The following TSC2 variants were observed in gnomAD, a reference collection of about 807,000 sequenced individuals.
TSC2 encodes the protein tuberin.
In TSC2, 29 loss-of-function variants were observed where a neutral mutation model predicts 202.2. The ratio of observed to expected loss-of-function variants is 0.14; its 90% CI spans 0.11 to 0.20. The LOEUF (loss-of-function observed/expected upper bound fraction) is 0.20, where lower values mean the gene tolerates loss of function less well. TSC2 is among the 10% of genes least tolerant of loss of function. The pLI is 1.00. For synonymous variants in TSC2, 1,349 were observed against 1,044.0 expected, an observed-to-expected ratio of 1.29 and a Z score of -5.63; for missense variants, 2,429 against 2,420.0, an observed-to-expected ratio of 1.00 and a Z score of -0.08.
intron 3 of TSC2, among the ~76,000 whole-genome samples, chr16:2,052,382 T>C (rs1415570799): frequency 2.6e-5 from 4 of 151,902 alleles, no homozygotes; most frequent in African/African-American, 9.7e-5. Context: ...CAATCATGGC[T>C]CACTACAGCC....
At chr16:2,080,655 T>C in intron 30 of TSC2, 1 of 444,848 alleles carries the variant, frequency 2.2e-6, no homozygotes, top group South Asian at 2.2e-5. Flanking sequence ...GGCCAATTTT[T>C]TTGTATTTCT....
At chr16:2,067,492 C>T (rs138706986) in intron 16 of TSC2, among the ~76,000 whole-genome samples, 1,805 of 150,460 alleles carry the variant, frequency 0.012, 16 homozygotes, top group Non-Finnish European at 0.019. Flanking sequence ...AGGCATCAGC[C>T]GGGTGTGGTG....
rs2151615600 is a variant in TSC2 at position 2,087,957 on chromosome 16, G to T, written c.5068+16G>T. On this transcript the variant is annotated intron_variant, in intron 39 of 41. Coordinates refer to ENST00000219476, the MANE Select transcript of TSC2 (RefSeq NM_000548.5). ...TGCAGGAAAGGTAGGGCCGGGTGGGGCCCTGCAGTGCAGGAAAGGTAGGGC... is the reference window on the plus strand; with the variant it reads ...TGCAGGAAAGGTAGGGCCGGGTGGGTCCCTGCAGTGCAGGAAAGGTAGGGC... The T allele has an allele frequency of 6.2e-7, 1 of 1,604,334 alleles. No individual in the cohort carries two copies. Among genetic ancestry groups the T allele is most frequent in the Non-Finnish European group, 8.5e-7 (1 of 1,173,806 alleles).
intron 2 of TSC2, among the ~76,000 whole-genome samples, chr16:2,049,732 G>A (rs965718013): frequency 4.0e-5 from 6 of 151,516 alleles, no homozygotes; most frequent in East Asian, 2.0e-4. Context: ...GGGCTGAGAC[G>A]AGAATTGCTT....
intron 13 of TSC2, 65 bp from the exon 14 acceptor site, chr16:2,062,907 G>T: frequency 6.6e-7 from 1 of 1,524,540 alleles, no homozygotes; most frequent in Non-Finnish European, 8.8e-7. Flanking sequence ...GCGCCAGGCA[G>T]ACGGGCTGGT....
In TSC2 at chr16:2,085,230, T is replaced by G; in HGVS notation, c.4570T>G (p.Ser1524Ala). 6.2e-7 allele frequency: 1 copy of G among 1,612,682 alleles called. No homozygotes were observed. The highest frequency in any genetic ancestry group is 8.5e-7 in the Non-Finnish European group (1 of 1,179,900). Reference protein sequence around the residue: ...SNKPILLPNESQSFERSVQLL... With the variant: ...SNKPILLPNEAQSFERSVQLL... ...TCAGGCAGGGCTCTGTGTGCCACAG[T>G]CACAGTCCTTTGAGCGGTCGGTGCA... The change falls in exon 36 of 42, where the codon TCA (serine) becomes GCA (alanine). Residue 1524 changes from serine to alanine, a missense_variant and splice_region_variant. By Grantham distance (99) the Ser-to-Ala change is moderately conservative. Transcript: ENST00000219476.
Position 2,061,889 on chromosome 16 carries a change from C to G in TSC2, c.1138C>G (p.Leu380Val). ...QQLQTLDSPE[L>V]RTIVHDLLTT... is the part of the protein sequence containing the mutation. ...ACTGCAGACCTTGGACAGCCCGGAG[C>G]TCAGGACCATCGTCCATGACCTGTT... The change falls in exon 12 of 42, where the codon CTC becomes GTC. Residue 380 changes from leucine to valine, a missense_variant. By Grantham distance (32) the Leu-to-Val change is conservative. Transcript: ENST00000219476. The G allele has an allele frequency of 6.2e-7, 1 of 1,614,160 alleles. No individual in the cohort carries two copies. The highest frequency in any genetic ancestry group is 2.2e-5 in the East Asian group (1 of 44,878).
At chr16:2,061,814 T>G in intron 11 of TSC2, 57 bp from the exon 12 acceptor site, 1 of 1,613,258 alleles carries the variant, frequency 6.2e-7, no homozygotes, top group South Asian at 1.1e-5. Context: ...AGGCCTCTGG[T>G]GCCAAGTCCA....
intron 11 of TSC2, chr16:2,061,080 G>A (rs1567425147): frequency 2.0e-6 from 1 of 507,830 alleles, no homozygotes; most frequent in Non-Finnish European, 3.6e-6. Context: ...AGTCCGCAGA[G>A]TGACCTGCAG....
At position 2,070,534 on chromosome 16, in the gene TSC2, A is replaced by G. The variant is rs2088139595; in HGVS notation, c.1795A>G (p.Lys599Glu). The change falls in exon 17 of 42, where the codon AAG becomes GAG. Residue 599 changes from lysine (K) to glutamate (E), a missense_variant. By Grantham distance (56) the Lys-to-Glu change is moderately conservative. Coordinates refer to ENST00000219476, the MANE Select transcript of TSC2 (RefSeq NM_000548.5). ...MLVSHIQLHY[K>E]HSYTLPIASS... is the part of the protein sequence containing the mutation. The stretch of plus-strand genomic sequence containing the variant: ...GGTCAGCCACATTCAGCTCCACTAC[A>G]AGCACAGCTACACCCTGCCAATCGC... 6.2e-7 allele frequency: 1 copy of G among 1,613,286 alleles called. No homozygotes were observed. Among genetic ancestry groups the G allele is most frequent in the Non-Finnish European group, 8.5e-7 (1 of 1,180,026 alleles).
chr16:2,051,832 A>G (rs760505645), intron 3 of TSC2, among the ~76,000 whole-genome samples: 4 of 152,232 alleles, frequency 2.6e-5, no homozygotes, highest in Non-Finnish European at 4.4e-5. Flanking sequence ...TGGGAGGCCA[A>G]GGTGGATGGA....
rs375163125 is a variant in TSC2, at chr16:2,058,765, G to A, written c.867G>A (p.Ala289=). 7 of 1,586,708 alleles carry A rather than the reference G, an allele frequency of 4.4e-6. No individual in the cohort carries two copies. The highest frequency in any genetic ancestry group is 2.3e-5 in the East Asian group (1 of 44,162). ...CTTTTAGAGCCTACATGGAGGACGC[G>A]CCCCTGCTGAGAGGAGCCGTGTTTT... The part of the protein sequence containing the change: ...LMEDRAYMED[A]PLLRGAVFFV... Residue 289 remains alanine, a synonymous_variant, in exon 10 of 42, where the codon GCG becomes GCA. Coordinates refer to ENST00000219476, the MANE Select transcript of TSC2 (RefSeq NM_000548.5).
chr16:2,066,651 CTTTTTTTTTTTT>C (rs34619573), intron 16 of TSC2, among the ~76,000 whole-genome samples: 5 of 98,458 alleles, frequency 5.1e-5, no homozygotes, highest in Non-Finnish European at 9.7e-5. Context: ...TCTGATTTAT[CTTTTTTTTTTTT>C]TTTTTTTTTT....
At chr16:2,077,402 T>C in intron 25 of TSC2, 196 bp from the exon 26 acceptor site, 2 of 706,798 alleles carry the variant, frequency 2.8e-6, no homozygotes, top group Non-Finnish European at 2.5e-6. Context: ...AGACGTATTA[T>C]CATGCATTTT....
At chr16:2,074,585 C>T (rs1184718063) in intron 22 of TSC2, 196 bp downstream of exon 22, 1 of 666,778 alleles carries the variant, frequency 1.5e-6, no homozygotes, top group Admixed American at 2.3e-5. Context: ...CTCCTCTCAC[C>T]CCTCTAGTGT....
intron 18 of TSC2, 48 bp from the exon 19 acceptor site, chr16:2,071,736 G>A (rs764172277): frequency 3.1e-5 from 49 of 1,597,186 alleles, no homozygotes; most frequent in South Asian, 1.1e-4. Flanking sequence ...AGTCTGTTCC[G>A]TTCCTGCTGC....
chr16:2,053,998 C>A (rs1444544252), intron 4 of TSC2: 4 of 496,152 alleles, frequency 8.1e-6, no homozygotes, highest in African/African-American at 1.9e-5. Context: ...GCTGTCTGCC[C>A]TGCACCGAGT....
At chr16:2,062,344 C>T (rs917804609) in intron 12 of TSC2, among the ~76,000 whole-genome samples, 153 bp from the exon 13 acceptor site, 4 of 152,226 alleles carry the variant, frequency 2.6e-5, no homozygotes, top group Non-Finnish European at 4.4e-5. Flanking sequence ...AAGTCTTCCC[C>T]GCTGCCAGGA....
rs762466695 is a variant in TSC2 at position 2,086,890 on chromosome 16, G to A, written c.4989+19G>A. 1.1e-5 allele frequency: 17 copies of A among 1,565,542 alleles called. No homozygotes were observed. Among genetic ancestry groups the A allele is most frequent in the Non-Finnish European group, 1.4e-5 (16 of 1,156,610 alleles). On this transcript the variant is annotated intron_variant, in intron 38 of 41. Coordinates refer to ENST00000219476, the MANE Select transcript of TSC2 (RefSeq NM_000548.5). ...CATCAAGGTGAGTGAGGGGCCGTCA[G>A]TGAGGCTGGGCCCCAGGCAGGTGCC... is the stretch of plus-strand genomic sequence containing the variant.
Sources: gnomAD v4.1 joint callset for allele counts (sites outside exome capture counted in the v4.1 genomes callset) on GRCh38, gnomAD v4.1.1 for gene constraint, MANE v1.5 for transcripts, NCBI Gene and HGNC (gene_info 2026-07-23, HGNC 2026-07-21) for gene names.